Variants in CDH18 observed in about 807,000 individuals in gnomAD.
The protein encoded by CDH18 is cadherin 18, also known as cadherin-18.
Under a neutral mutation model 67.9 loss-of-function variants are expected in CDH18, and 31 were observed. That is an observed-to-expected ratio of 0.46 (90% CI 0.34 to 0.62). The LOEUF is 0.62. Among genes scored for constraint, CDH18 ranks in the 20% least tolerant of loss-of-function variants. The probability of loss-of-function intolerance (pLI) is 0.01; values close to 1 mark genes in which losing one functional copy is unlikely to be tolerated. For synonymous variants in CDH18, 362 were observed against 347.2 expected (o/e 1.04, Z -0.48); for missense variants, 890 against 975.5 (o/e 0.91, Z 1.17).
At chr5:20,488,466 C>T (rs1237571833) in intron 1 of CDH18, among the ~76,000 whole-genome samples, 1 of 151,848 alleles carries the variant, frequency 6.6e-6, no homozygotes, top group South Asian at 2.1e-4. Flanking sequence ...GAATTTAGGA[C>T]AAAGGATAGT....
intron 2 of CDH18, among the ~76,000 whole-genome samples, chr5:20,244,849 T>C (rs1006913346): frequency 1.3e-4 from 19 of 151,086 alleles, no homozygotes; most frequent in East Asian, 5.8e-4. Flanking sequence ...TGAAACAATC[T>C]CCTAAATCAA....
intron 2 of CDH18, among the ~76,000 whole-genome samples, chr5:19,916,706 C>T (rs189251563): frequency 4.8e-4 from 73 of 152,238 alleles, no homozygotes; most frequent in African/African-American, 1.7e-3. Context: ...TGGAATTTGA[C>T]ATTTATTCTT....
chr5:20,132,926 C>CT (rs1273344308), intron 2 of CDH18, among the ~76,000 whole-genome samples: 2 of 151,852 alleles, frequency 1.3e-5, no homozygotes, highest in South Asian at 2.1e-4. Flanking sequence ...TTATGCAGAA[C>CT]TTTTTTTTAT....
At chr5:20,547,148 C>T (rs930491894) in intron 1 of CDH18, among the ~76,000 whole-genome samples, 2 of 151,878 alleles carry the variant, frequency 1.3e-5, no homozygotes, top group Admixed American at 6.6e-5. Flanking sequence ...TTAAATTTAC[C>T]GATTCAATTT....
At chr5:20,065,362 A>C (rs1742888873) in intron 2 of CDH18, among the ~76,000 whole-genome samples, 1 of 152,006 alleles carries the variant, frequency 6.6e-6, no homozygotes, top group Admixed American at 6.6e-5. Context: ...ATTCTAAATA[A>C]TTTAATTATG....
At chr5:20,389,364 A>C (rs1259351263) in intron 1 of CDH18, among the ~76,000 whole-genome samples, 1 of 152,106 alleles carries the variant, frequency 6.6e-6, no homozygotes, top group Admixed American at 6.6e-5. Flanking sequence ...TTCAGAGACT[A>C]GTATTGCAAC....
In CDH18 at chr5:19,473,114, T is replaced by G; in HGVS notation, c.*112A>C. 1 of 1,295,934 alleles carries G rather than the reference T, an allele frequency of 7.7e-7. No homozygotes were observed. The highest frequency in any genetic ancestry group is 1.1e-6 in the Non-Finnish European group (1 of 935,404). 80.3% of individuals were successfully genotyped at this position (1,295,934 alleles called of 1,614,324 possible). On this transcript the variant is annotated 3_prime_UTR_variant, in exon 13 of 13. Coordinates refer to ENST00000382275, the MANE Select transcript of CDH18 (RefSeq NM_004934.5). ...GGCACTTGTTTCTACAGGAGCTGTGTCCAGCTTCCTCAGTTCCAAGTACTG... is the reference window on the plus strand; with the variant it reads ...GGCACTTGTTTCTACAGGAGCTGTGGCCAGCTTCCTCAGTTCCAAGTACTG...
At chr5:20,549,600 A>T (rs2126616091) in intron 1 of CDH18, among the ~76,000 whole-genome samples, 1 of 152,284 alleles carries the variant, frequency 6.6e-6, no homozygotes, top group East Asian at 1.9e-4. Flanking sequence ...TACAGAAGAC[A>T]TTTTTTAAGC....
At chr5:19,606,832 C>T (rs994343397) in intron 6 of CDH18, among the ~76,000 whole-genome samples, 1 of 151,708 alleles carries the variant, frequency 6.6e-6, no homozygotes, top group African/African-American at 2.4e-5. Flanking sequence ...AAAATCTTTA[C>T]AACCATTAGT....
intron 2 of CDH18, among the ~76,000 whole-genome samples, chr5:19,952,098 G>A (rs1181177006): frequency 6.6e-6 from 1 of 151,676 alleles, no homozygotes; most frequent in Non-Finnish European, 1.5e-5. Flanking sequence ...ACCCAGGCTG[G>A]AGCGCAGTGG....
intron 2 of CDH18, among the ~76,000 whole-genome samples, chr5:20,245,253 A>G (rs2973193): frequency 0.54 from 82,091 of 152,010 alleles, 22,257 homozygotes; most frequent in Middle Eastern, 0.66. Flanking sequence ...ATATTGTAGC[A>G]CATTCCAGTT....
chr5:20,351,446 T>C (rs1036686589), intron 1 of CDH18, among the ~76,000 whole-genome samples: 1 of 152,204 alleles, frequency 6.6e-6, no homozygotes, highest in African/African-American at 2.4e-5. Context: ...TACCTGAAGA[T>C]ACAGAGGCAC....
At chr5:20,056,473 C>T (rs368159937) in intron 2 of CDH18, among the ~76,000 whole-genome samples, 334 of 13,178 alleles carry the variant, frequency 0.025, no homozygotes, top group Non-Finnish European at 0.031. Flanking sequence ...TATTTTCTTT[C>T]TTTTGTTTTT....
Position 19,740,316 on chromosome 5 carries a change from G to C in CDH18, c.523+6626C>G, listed in dbSNP as rs188692711. On this transcript the variant is annotated intron_variant, in intron 4 of 12. Transcript: ENST00000382275. The stretch of plus-strand genomic sequence containing the variant: ...TGAAAAAGAAAATAGTAAAGTTTAT[G>C]TTCTGCCAAATTACATTGTGATCTG... Among the ~76,000 whole-genome samples the C allele has an allele frequency of 2.0e-3, 297 of 152,086 alleles. 1 individual carries two copies. Among genetic ancestry groups the C allele is most frequent in the Middle Eastern group, 0.01 (3 of 288 alleles).
chr5:19,828,358 C>CTAGT (rs1780638859), intron 3 of CDH18, among the ~76,000 whole-genome samples: 1 of 150,964 alleles, frequency 6.6e-6, no homozygotes, highest in African/African-American at 2.5e-5. Flanking sequence ...TTCTCCCTAA[C>CTAGT]TCAGTCTACA....
In CDH18 at chr5:19,709,515, C is replaced by T. The variant is rs555713065; in HGVS notation, c.643+11832G>A. Among the ~76,000 whole-genome samples, 7 of 151,638 alleles carry T rather than the reference C, an allele frequency of 4.6e-5. 1 individual carries two copies. Among genetic ancestry groups the T allele is most frequent in the Admixed American group, 2.6e-4 (4 of 15,222 alleles). ...CTGGGAGGCAGAGGCTGCAGTGAGCCGAGATTTTGCCATTGTATTCCAGCC... is the reference window on the plus strand; with the variant it reads ...CTGGGAGGCAGAGGCTGCAGTGAGCTGAGATTTTGCCATTGTATTCCAGCC... On this transcript the variant is annotated intron_variant, in intron 5 of 12. Coordinates refer to ENST00000382275, the MANE Select transcript of CDH18 (RefSeq NM_004934.5).
At chr5:19,509,241 G>A (rs1210491742) in intron 10 of CDH18, among the ~76,000 whole-genome samples, 1 of 151,938 alleles carries the variant, frequency 6.6e-6, no homozygotes, top group Non-Finnish European at 1.5e-5. Flanking sequence ...GCTAAACAAT[G>A]GGGACAAAGG....
chr5:20,488,108 A>G (rs1487193223), intron 1 of CDH18, among the ~76,000 whole-genome samples: 1 of 152,112 alleles, frequency 6.6e-6, no homozygotes, highest in East Asian at 1.9e-4. Context: ...GATTCTTTTT[A>G]TCCTTTTCAA....
intron 5 of CDH18, among the ~76,000 whole-genome samples, chr5:19,705,724 G>T (rs1053662372): frequency 1.3e-5 from 2 of 152,132 alleles, no homozygotes; most frequent in African/African-American, 4.8e-5. Flanking sequence ...TAGGAAATGG[G>T]AGAACTCGGA....
Sources: allele counts gnomAD v4.1 joint callset (sites outside exome capture counted in the v4.1 genomes callset), GRCh38; gene constraint gnomAD v4.1.1; transcripts MANE v1.5; gene names NCBI Gene and HGNC (gene_info 2026-07-23, HGNC 2026-07-21).